The following RARS2 variants were observed in gnomAD, a reference collection of about 807,000 sequenced individuals.
The protein encoded by RARS2 is probable arginine--tRNA ligase, mitochondrial.
In RARS2, 67 loss-of-function variants were observed where a neutral mutation model predicts 88.5. That is an observed-to-expected ratio of 0.76 (90% CI 0.62 to 0.93). RARS2 has a LOEUF of 0.93. RARS2 is among the 40% of genes least tolerant of loss of function. RARS2 has a pLI of 0.00. For synonymous variants in RARS2, 239 were observed against 230.3 expected, an observed-to-expected ratio of 1.04 and a Z score of -0.34; for missense variants, 664 against 684.2, an observed-to-expected ratio of 0.97 and a Z score of 0.33.
rs769410902 is a variant in RARS2 at position 87,589,962 on chromosome 6, A to G, written c.-5T>C. Reference sequence around the variant, plus strand: ...GCGGCGAAAGCCGCACGCCATGTCCACCTCTACGGAAGTGCGCCGCAGTCC... The same window carrying G: ...GCGGCGAAAGCCGCACGCCATGTCCGCCTCTACGGAAGTGCGCCGCAGTCC... On this transcript the variant is annotated 5_prime_UTR_variant, in exon 1 of 20. Coordinates refer to ENST00000369536, the MANE Select transcript of RARS2 (RefSeq NM_020320.5). 4.3e-6 allele frequency: 7 copies of G among 1,613,920 alleles called. No homozygotes were observed. The African/African-American group carries it at 5.3e-5, about 12-fold the overall frequency.
intron 6 of RARS2, among the ~76,000 whole-genome samples, chr6:87,547,081 T>C (rs1240182855): frequency 6.6e-6 from 1 of 152,202 alleles, no homozygotes; most frequent in Admixed American, 6.5e-5. Context: ...GTTAACAGTA[T>C]TTACCAAACT....
intron 4 of RARS2, among the ~76,000 whole-genome samples, chr6:87,556,781 ACT>A (rs1407382821): frequency 8.9e-6 from 1 of 111,954 alleles, no homozygotes; most frequent in African/African-American, 3.8e-5. Flanking sequence ...GCAGAGTGAG[ACT>A]CTGTCTCAAA....
chr6:87,514,904 A>G, intron 19 of RARS2, 53 bp downstream of exon 19: 1 of 1,409,822 alleles, frequency 7.1e-7, no homozygotes, highest in Non-Finnish European at 1.0e-6. Context: ...CTGACTTAGT[A>G]ATATTAGTCT....
intron 11 of RARS2, among the ~76,000 whole-genome samples, chr6:87,524,100 C>T (rs1273539618): frequency 6.6e-6 from 1 of 152,112 alleles, no homozygotes; most frequent in Admixed American, 6.5e-5. Flanking sequence ...AAATTCTGGC[C>T]TGGGAGACAC....
At chr6:87,528,137 T>C (rs908049949) in intron 10 of RARS2, among the ~76,000 whole-genome samples, 8 of 149,610 alleles carry the variant, frequency 5.3e-5, no homozygotes, top group Non-Finnish European at 1.0e-4. Context: ...GGCTAACAAG[T>C]ATATGAAAAG....
intron 7 of RARS2, among the ~76,000 whole-genome samples, chr6:87,543,444 C>A (rs1781655880): frequency 6.6e-6 from 1 of 151,618 alleles, no homozygotes; most frequent in Non-Finnish European, 1.5e-5. Context: ...GAGTTTGACA[C>A]CAGCCTGATG....
intron 7 of RARS2, among the ~76,000 whole-genome samples, chr6:87,543,140 A>T (rs764761487): frequency 8.7e-6 from 1 of 114,608 alleles, no homozygotes; most frequent in African/African-American, 3.7e-5. Flanking sequence ...TGTCTCTACT[A>T]AAAAAATACA....
At chr6:87,544,870 C>A (rs1782126287) in intron 7 of RARS2, among the ~76,000 whole-genome samples, 1 of 152,162 alleles carries the variant, frequency 6.6e-6, no homozygotes, top group African/African-American at 2.4e-5. Flanking sequence ...AAAGTATCAC[C>A]CTTTGCTTAT....
chr6:87,578,837 G>A (rs1263955731), intron 1 of RARS2, among the ~76,000 whole-genome samples: 1 of 151,718 alleles, frequency 6.6e-6, no homozygotes, highest in East Asian at 1.9e-4. Context: ...GCTGGTGCCT[G>A]TAGTCCCAGC....
At chr6:87,536,578 A>G (rs1348979828) in intron 8 of RARS2, among the ~76,000 whole-genome samples, 1 of 151,624 alleles carries the variant, frequency 6.6e-6, no homozygotes, top group Non-Finnish European at 1.5e-5. Flanking sequence ...CAGAGGTTGC[A>G]GTGAGCTGAG....
chr6:87,514,098 G>A lies in RARS2; in HGVS notation c.*315C>T, dbSNP rs1391428650. Among the ~76,000 whole-genome samples, 1 of 152,190 alleles carries A rather than the reference G, an allele frequency of 6.6e-6. No individual in the cohort carries two copies. The highest frequency in any genetic ancestry group is 1.5e-5 in the Non-Finnish European group (1 of 68,034). On this transcript the variant is annotated 3_prime_UTR_variant, in exon 20 of 20. Coordinates refer to ENST00000369536, the MANE Select transcript of RARS2 (RefSeq NM_020320.5). ...AGGCCAAGGCAGACAGATAACCTGA[G>A]GTCGGGAGTGCAAGACCAGCCTGAC...
intron 10 of RARS2, among the ~76,000 whole-genome samples, chr6:87,526,011 A>G (rs1774327459): frequency 6.6e-6 from 1 of 152,248 alleles, no homozygotes; most frequent in Admixed American, 6.5e-5. Flanking sequence ...GAAAGAAATC[A>G]AAACACAGAT....
At chr6:87,556,229 A>G (rs920790833) in intron 4 of RARS2, among the ~76,000 whole-genome samples, 4 of 152,174 alleles carry the variant, frequency 2.6e-5, no homozygotes, top group African/African-American at 9.7e-5. Context: ...CACAAAATTC[A>G]TATTTTATGT....
intron 7 of RARS2, 112 bp downstream of exon 7, chr6:87,545,502 AGG>A: frequency 7.8e-7 from 1 of 1,277,096 alleles, no homozygotes. Context: ...AAAAAAAAAT[AGG>A]TAGGACATAC....
In RARS2 at chr6:87,514,974, G is replaced by T. The variant is rs749229113; in HGVS notation, c.1633C>A (p.Pro545Thr). 9.9e-6 allele frequency: 16 copies of T among 1,612,876 alleles called. No individual in the cohort carries two copies. The highest frequency in any genetic ancestry group is 1.7e-5 in the Admixed American group (1 of 60,016). The change falls in exon 19 of 20, where the codon CCT becomes ACT. Residue 545 changes from proline to threonine, a missense_variant. Transcript: ENST00000369536. ...AHKTLQIKDS[P>T]PEVAGARLHL... Reference sequence around the variant, plus strand: ...TAACGTACCCCAGCCACTTCAGGAGGACTATCTTTTATTTGTAGTGTTTTG... The same window carrying T: ...TAACGTACCCCAGCCACTTCAGGAGTACTATCTTTTATTTGTAGTGTTTTG...
chr6:87,531,055 G>A (rs1262403236), intron 8 of RARS2, 113 bp from the exon 9 acceptor site: 2 of 1,520,856 alleles, frequency 1.3e-6, no homozygotes, highest in African/African-American at 1.4e-5. Context: ...AATTTTCCAA[G>A]TTGGGTACAT....
At chr6:87,522,641 A>C (rs1240974504) in intron 11 of RARS2, among the ~76,000 whole-genome samples, 2 of 152,280 alleles carry the variant, frequency 1.3e-5, no homozygotes, top group East Asian at 3.9e-4. Context: ...TTCTCAATGA[A>C]GGCAAAAACT....
chr6:87,575,266 CACACACACACA>C (rs1771094631), intron 1 of RARS2, among the ~76,000 whole-genome samples: 1 of 149,860 alleles, frequency 6.7e-6, no homozygotes, highest in Admixed American at 6.7e-5. Context: ...CACACACACA[CACACACACACA>C]CCTTGGCTTC....
At position 87,518,896 on chromosome 6, in the gene RARS2, AACAG is replaced by A; in HGVS notation, c.1238-9_1238-6del. 1 of 1,613,942 alleles carries A rather than the reference AACAG, an allele frequency of 6.2e-7. No individual in the cohort carries two copies. The highest frequency in any genetic ancestry group is 8.5e-7 in the Non-Finnish European group (1 of 1,179,878). ...GGTTCTTGAGTTCTTTAGTTGCTGA[AACAG>A]ACAAAGGCAGCTATCTTTAGTCTAC... On this transcript the variant is annotated splice_polypyrimidine_tract_variant and splice_region_variant and intron_variant, in intron 14 of 19. Transcript: ENST00000369536.
Sources: allele counts gnomAD v4.1 joint callset (sites outside exome capture counted in the v4.1 genomes callset), GRCh38; gene constraint gnomAD v4.1.1; transcripts MANE v1.5; gene names NCBI Gene and HGNC (gene_info 2026-07-23, HGNC 2026-07-21).